Variants in CNTN4 observed in about 807,000 individuals in gnomAD.
The protein encoded by CNTN4 is contactin-4.
A neutral mutation model predicts 122.5 loss-of-function variants in CNTN4; 77 were observed. The ratio of observed to expected loss-of-function variants is 0.63; its 90% CI spans 0.52 to 0.76. CNTN4 has a LOEUF of 0.76. Among genes scored for constraint, CNTN4 ranks in the 30% least tolerant of loss-of-function variants. The pLI, the probability that CNTN4 is intolerant of heterozygous loss-of-function variation, is 0.00. For synonymous variants in CNTN4, 512 were observed against 447.0 expected (o/e 1.15, Z -1.83); for missense variants, 1,256 against 1,259.1 (o/e 1.00, Z 0.04).
chr3:2,434,554 A>C (rs1301677114), intron 3 of CNTN4, among the ~76,000 whole-genome samples: 3 of 152,206 alleles, frequency 2.0e-5, no homozygotes, highest in African/African-American at 7.2e-5. Flanking sequence ...TTATTGAGAC[A>C]GTGAAAGATT....
chr3:2,644,465 G>A (rs911608371), intron 4 of CNTN4, among the ~76,000 whole-genome samples: 2 of 152,078 alleles, frequency 1.3e-5, no homozygotes, highest in African/African-American at 4.8e-5. Flanking sequence ...AAGAATGAAT[G>A]CTGAGGGAAA....
intron 3 of CNTN4, among the ~76,000 whole-genome samples, chr3:2,418,808 G>A (rs1275510419): frequency 6.6e-6 from 1 of 152,110 alleles, no homozygotes; most frequent in Non-Finnish European, 1.5e-5. Context: ...AATCCATGTT[G>A]GCTTGCATTG....
At chr3:2,113,237 A>G (rs1435110323) in intron 2 of CNTN4, among the ~76,000 whole-genome samples, 10 of 152,170 alleles carry the variant, frequency 6.6e-5, no homozygotes, top group Non-Finnish European at 1.2e-4. Context: ...AATAGGGACT[A>G]TTTGAGTTTG....
intron 14 of CNTN4, 181 bp downstream of exon 14, chr3:2,988,653 G>A: frequency 1.5e-6 from 1 of 653,096 alleles, no homozygotes; most frequent in Non-Finnish European, 2.7e-6. Context: ...TAATGAATAT[G>A]ATTGAAAGGC....
At chr3:2,935,272 A>G (rs1490272283) in intron 13 of CNTN4, among the ~76,000 whole-genome samples, 2 of 152,176 alleles carry the variant, frequency 1.3e-5, no homozygotes, top group African/African-American at 2.4e-5. Flanking sequence ...AACTCAAGAC[A>G]TATATATGGA....
intron 14 of CNTN4, among the ~76,000 whole-genome samples, chr3:3,020,581 C>T (rs1353269342): frequency 6.6e-6 from 1 of 152,104 alleles, no homozygotes; most frequent in African/African-American, 2.4e-5. Flanking sequence ...CTGAGGGCGC[C>T]CACCTCCACC....
chr3:2,931,523 A>G (rs1308337948), intron 13 of CNTN4, among the ~76,000 whole-genome samples: 1 of 152,232 alleles, frequency 6.6e-6, no homozygotes, highest in East Asian at 1.9e-4. Flanking sequence ...CACTTTTCCC[A>G]GTAACATACT....
intron 8 of CNTN4, among the ~76,000 whole-genome samples, chr3:2,870,844 A>G (rs1336521495): frequency 1.3e-5 from 2 of 152,164 alleles, no homozygotes; most frequent in Non-Finnish European, 2.9e-5. Flanking sequence ...AGTCTGGACT[A>G]TGATTTCTTA....
chr3:2,358,996 C>A (rs545560699), intron 3 of CNTN4, among the ~76,000 whole-genome samples: 60 of 152,246 alleles, frequency 3.9e-4, no homozygotes, highest in Non-Finnish European at 1.5e-5. Flanking sequence ...TTAGGTGCTA[C>A]TGGTAGATTT....
intron 2 of CNTN4, among the ~76,000 whole-genome samples, chr3:2,303,065 A>G (rs190443167): frequency 5.5e-4 from 84 of 152,316 alleles, no homozygotes; most frequent in African/African-American, 2.0e-3. Context: ...CTTCAAGAGT[A>G]TGAAGTATAG....
At chr3:2,304,767 A>G (rs1412340758) in intron 2 of CNTN4, among the ~76,000 whole-genome samples, 1 of 150,810 alleles carries the variant, frequency 6.6e-6, no homozygotes, top group East Asian at 2.0e-4. Context: ...CAATGGAGAC[A>G]TAAATTACAA....
At chr3:2,652,626 A>G (rs2083412633) in intron 4 of CNTN4, among the ~76,000 whole-genome samples, 1 of 152,090 alleles carries the variant, frequency 6.6e-6, no homozygotes, top group African/African-American at 2.4e-5. Context: ...AATAACAAAG[A>G]AAACTCAGCA....
At position 2,534,800 on chromosome 3, in the gene CNTN4, C is replaced by A. The variant is rs547689895; in HGVS notation, c.-88-36616C>A. Among the ~76,000 whole-genome samples, 2 of 76,746 alleles carry A rather than the reference C, an allele frequency of 2.6e-5. 1 individual carries two copies. The highest frequency in any genetic ancestry group is 6.4e-5 in the Non-Finnish European group (2 of 31,012). The allele number at this position is 76,746 out of a possible 152,430, so 50.3% of individuals were successfully genotyped here. A position where few individuals can be genotyped will look rare whatever the true frequency, so the allele number is the denominator to read the frequency against. On this transcript the variant is annotated intron_variant, in intron 3 of 24. Transcript: ENST00000418658. ...CATTTTACTCTTGAGGACTGGCACACCAAATGAGGGAACAATGTATGCTGC... is the reference window on the plus strand; with the variant it reads ...CATTTTACTCTTGAGGACTGGCACAACAAATGAGGGAACAATGTATGCTGC...
intron 6 of CNTN4, among the ~76,000 whole-genome samples, chr3:2,781,316 A>G (rs971693124): frequency 6.6e-6 from 1 of 152,244 alleles, no homozygotes; most frequent in African/African-American, 2.4e-5. Context: ...TCATTAACAA[A>G]TCAAATGTAA....
At chr3:2,622,337 G>A (rs921109296) in intron 4 of CNTN4, among the ~76,000 whole-genome samples, 2 of 152,168 alleles carry the variant, frequency 1.3e-5, no homozygotes, top group African/African-American at 4.8e-5. Flanking sequence ...TGCAGGAAAT[G>A]TGATGTTACT....
chr3:2,394,682 A>G (rs2046572359), intron 3 of CNTN4, among the ~76,000 whole-genome samples: 1 of 152,214 alleles, frequency 6.6e-6, no homozygotes, highest in South Asian at 2.1e-4. Context: ...AAAAGGCTTA[A>G]ACACATCTAT....
intron 13 of CNTN4, among the ~76,000 whole-genome samples, chr3:2,983,049 C>G (rs1006444594): frequency 6.6e-6 from 1 of 151,232 alleles, no homozygotes; most frequent in Non-Finnish European, 1.5e-5. Context: ...CCTGTCTCTA[C>G]TAAAAATACA....
intron 2 of CNTN4, among the ~76,000 whole-genome samples, chr3:2,307,367 G>A (rs376745924): frequency 2.0e-4 from 30 of 151,824 alleles, no homozygotes; most frequent in Middle Eastern, 6.8e-3. Context: ...CCCGGGAGGC[G>A]GAGCTTGCAG....
At chr3:2,932,102 G>C (rs978023112) in intron 13 of CNTN4, among the ~76,000 whole-genome samples, 5 of 152,172 alleles carry the variant, frequency 3.3e-5, no homozygotes, top group Non-Finnish European at 7.3e-5. Flanking sequence ...TTTAGGCCGG[G>C]CGCAGTGGCT....
Sources: gnomAD v4.1 joint callset for allele counts (sites outside exome capture counted in the v4.1 genomes callset) on GRCh38, gnomAD v4.1.1 for gene constraint, MANE v1.5 for transcripts, NCBI Gene and HGNC (gene_info 2026-07-23, HGNC 2026-07-21) for gene names.